Variants in MEIOSIN observed in about 807,000 individuals in gnomAD.
MEIOSIN encodes the protein meiosis initiator protein.
A neutral mutation model predicts 23.4 loss-of-function variants in MEIOSIN; 18 were observed. The observed-to-expected ratio is 0.77, with a 90% CI of 0.53 to 1.14. The LOEUF (loss-of-function observed/expected upper bound fraction) is 1.14, where lower values mean the gene tolerates loss of function less well. Ranked by LOEUF, MEIOSIN falls within the 50% of genes most tolerant of loss-of-function variation. The pLI is 0.00. For missense variants in MEIOSIN, 428 were observed against 242.9 expected (o/e 1.76, Z -5.07); for synonymous variants, 187 against 100.6 (o/e 1.86, Z -5.14).
intron 7 of MEIOSIN, among the ~76,000 whole-genome samples, chr19:45,754,970 G>A (rs572273597): frequency 6.9e-4 from 105 of 152,226 alleles, no homozygotes; most frequent in Non-Finnish European, 1.3e-3. Flanking sequence ...AACCAGGGAG[G>A]AGGGCAGGGC....
At chr19:45,750,855 C>G (rs1968689916) in intron 5 of MEIOSIN, 69 bp downstream of exon 5, 2 of 497,856 alleles carry the variant, frequency 4.0e-6, no homozygotes, top group East Asian at 6.8e-5. Flanking sequence ...ATCAGGGATA[C>G]TGAGTGACCC....
At chr19:45,756,522 G>T (rs1452194970) in intron 8 of MEIOSIN, among the ~76,000 whole-genome samples, 1 of 152,148 alleles carries the variant, frequency 6.6e-6, no homozygotes, top group Non-Finnish European at 1.5e-5. Flanking sequence ...GGCTCAAGCA[G>T]TCCTCCTGCC....
At chr19:45,753,856 G>C (rs922761748) in intron 6 of MEIOSIN, 68 bp downstream of exon 6, 9 of 653,050 alleles carry the variant, frequency 1.4e-5, no homozygotes, top group Non-Finnish European at 2.2e-5. Context: ...CTTCTCCAGG[G>C]ATGTCCTTAC....
chr19:45,742,827 AC>A (rs1006557785), intron 3 of MEIOSIN, among the ~76,000 whole-genome samples: 2 of 152,020 alleles, frequency 1.3e-5, no homozygotes, highest in Admixed American at 6.6e-5. Context: ...AACAACAACA[AC>A]AACAACCAGG....
At chr19:45,750,382 CAG>C (rs1425681354) in intron 4 of MEIOSIN, among the ~76,000 whole-genome samples, 105 of 96,150 alleles carry the variant, frequency 1.1e-3, no homozygotes, top group African/African-American at 4.2e-3. Context: ...TTTTTTGAGA[CAG>C]AGTCTCGCTA....
chr19:45,763,529 A>T (rs577297337), intron 14 of MEIOSIN, 102 bp downstream of exon 14: 22 of 397,692 alleles, frequency 5.5e-5, no homozygotes, highest in African/African-American at 3.9e-4. Flanking sequence ...GGCATGGGAG[A>T]CTGGGCCGAG....
chr19:45,764,306 TCACCCA>T lies in MEIOSIN; in HGVS notation c.*191_*196del. The T allele has an allele frequency of 2.5e-6, 1 of 395,136 alleles. No individual in the cohort carries two copies. Among genetic ancestry groups the T allele is most frequent in the Non-Finnish European group, 4.5e-6 (1 of 224,346 alleles). 24.5% of individuals were successfully genotyped at this position (395,136 alleles called of 1,614,324 possible). On this transcript the variant is annotated 3_prime_UTR_variant, in exon 15 of 15. Coordinates refer to ENST00000457052, the MANE Select transcript of MEIOSIN (RefSeq NM_001310124.2). Reference sequence around the variant, plus strand: ...GGCACATTTGCCTGGAGCACCAGAGTCACCCACAGCTGCCTTGATTCTCCCCCAGGC... The same window carrying T: ...GGCACATTTGCCTGGAGCACCAGAGTCAGCTGCCTTGATTCTCCCCCAGGC...
At chr19:45,739,563 G>C in intron 2 of MEIOSIN, 63 bp from the exon 3 acceptor site, 2 of 700,762 alleles carry the variant, frequency 2.9e-6, no homozygotes, top group Non-Finnish European at 2.6e-6. Context: ...GATTGACTCT[G>C]ATTGGCCAAA....
chr19:45,754,297 A>G (rs1968772505), intron 6 of MEIOSIN, among the ~76,000 whole-genome samples, 182 bp from the exon 7 acceptor site: 1 of 152,176 alleles, frequency 6.6e-6, no homozygotes, highest in Non-Finnish European at 1.5e-5. Flanking sequence ...AAAGGTCGCA[A>G]GATGATTCTG....
At chr19:45,751,627 C>A (rs1229914374) in intron 5 of MEIOSIN, among the ~76,000 whole-genome samples, 1 of 151,764 alleles carries the variant, frequency 6.6e-6, no homozygotes, top group Admixed American at 6.6e-5. Context: ...CTCTGCCTCC[C>A]GGGCCTCTGC....
intron 13 of MEIOSIN, among the ~76,000 whole-genome samples, chr19:45,763,064 G>A (rs1186942540): frequency 1.3e-5 from 2 of 152,296 alleles, no homozygotes; most frequent in African/African-American, 2.4e-5. Context: ...CAGGGGATGG[G>A]GAGGCCCCCC....
At chr19:45,758,464 C>T (rs1322930029) in intron 9 of MEIOSIN, among the ~76,000 whole-genome samples, 1 of 151,630 alleles carries the variant, frequency 6.6e-6, no homozygotes, top group Non-Finnish European at 1.5e-5. Context: ...GGGTCTCACT[C>T]TGTCACCCAG....
At chr19:45,742,101 C>T (rs1968516112) in intron 3 of MEIOSIN, among the ~76,000 whole-genome samples, 1 of 152,094 alleles carries the variant, frequency 6.6e-6, no homozygotes, top group Admixed American at 6.5e-5. Flanking sequence ...GTCTTGAACT[C>T]CTGACCTCAG....
At position 45,739,700 on chromosome 19, in the gene MEIOSIN, A is replaced by T. The variant is rs1481978845; in HGVS notation, c.146A>T (p.Glu49Val). 1 of 703,568 alleles carries T rather than the reference A, an allele frequency of 1.4e-6. No individual in the cohort carries two copies. The highest frequency in any genetic ancestry group is 2.6e-6 in the Non-Finnish European group (1 of 385,130). 43.6% of individuals were successfully genotyped at this position (703,568 alleles called of 1,614,324 possible). Residue 49 changes from glutamate to valine, a missense_variant, in exon 3 of 15, where the codon GAG becomes GTG. Transcript: ENST00000457052. ...NPSEPHGLRM[E>V]EKWLLKGKLR... ...TCCGAACCACATGGACTGAGAATGG[A>T]GGAGAAATGGTTGCTCAAAGGAAAA...
At chr19:45,747,967 C>T (rs1294841185) in intron 4 of MEIOSIN, among the ~76,000 whole-genome samples, 2 of 152,256 alleles carry the variant, frequency 1.3e-5, no homozygotes. Flanking sequence ...AGCCATGGTC[C>T]CCGCTACCCA....
chr19:45,752,524 T>C (rs1968733368), intron 5 of MEIOSIN, among the ~76,000 whole-genome samples: 2 of 152,088 alleles, frequency 1.3e-5, no homozygotes, highest in African/African-American at 4.8e-5. Flanking sequence ...ATATTTTTGT[T>C]TGTTTTTTTG....
At chr19:45,746,585 C>T (rs1438329593) in intron 4 of MEIOSIN, among the ~76,000 whole-genome samples, 1 of 151,922 alleles carries the variant, frequency 6.6e-6, no homozygotes, top group African/African-American at 2.4e-5. Context: ...TTTGGGAGGC[C>T]GAGGTGGGTG....
At chr19:45,762,634 T>C (rs1968969805) in intron 13 of MEIOSIN, among the ~76,000 whole-genome samples, 1 of 151,984 alleles carries the variant, frequency 6.6e-6, no homozygotes, top group Non-Finnish European at 1.5e-5. Flanking sequence ...AGAGACAGGG[T>C]TTCACCATGT....
rs114197214 is a variant in MEIOSIN at position 45,758,996 on chromosome 19, C to T, written c.1131C>T (p.Asp377=). The change falls in exon 10 of 15, where the codon GAC becomes GAT. Residue 377 remains aspartate, a synonymous_variant. Coordinates refer to ENST00000457052, the MANE Select transcript of MEIOSIN (RefSeq NM_001310124.2). ...GCTCCCCAGGGAAACTGCTGCCAGA[C>T]GAGATCTTGGAGGATGACATGGAGT... ...LFSSPGKLLP[D]EILEDDMEYL... 7.3e-4 allele frequency: 510 copies of T among 703,100 alleles called. 1 individual carries two copies. In the African/African-American group the frequency reaches 7.8e-3, roughly 11 times the overall value. 43.6% of individuals were successfully genotyped at this position (703,100 alleles called of 1,614,324 possible).
Sources: gnomAD v4.1 joint callset for allele counts (sites outside exome capture counted in the v4.1 genomes callset) on GRCh38, gnomAD v4.1.1 for gene constraint, MANE v1.5 for transcripts, NCBI Gene and HGNC (gene_info 2026-07-23, HGNC 2026-07-21) for gene names.